The following STK10 variants were observed in gnomAD, a reference collection of about 807,000 sequenced individuals.
STK10 encodes serine/threonine-protein kinase 10.
A neutral mutation model predicts 113.8 loss-of-function variants in STK10; 78 were observed. That is an observed-to-expected ratio of 0.69 (90% CI 0.57 to 0.83). STK10 has a LOEUF of 0.83. STK10 is among the 40% of genes least tolerant of loss of function. The pLI is 0.00. For synonymous variants in STK10, 465 were observed against 494.7 expected (o/e 0.94, Z 0.80); for missense variants, 1,109 against 1,280.1 (o/e 0.87, Z 2.04).
At chr5:172,185,900 G>T (rs1770947775) in intron 1 of STK10, among the ~76,000 whole-genome samples, 1 of 152,220 alleles carries the variant, frequency 6.6e-6, no homozygotes, top group Non-Finnish European at 1.5e-5. Flanking sequence ...CAGTCCAAAA[G>T]CACTGCCTCT....
intron 2 of STK10, among the ~76,000 whole-genome samples, chr5:172,138,794 C>T (rs1465809662): frequency 4.6e-5 from 7 of 151,976 alleles, no homozygotes; most frequent in Admixed American, 2.6e-4. Flanking sequence ...GGGCGGATCA[C>T]GAGGTCAGGA....
intron 1 of STK10, among the ~76,000 whole-genome samples, chr5:172,172,108 T>C (rs1438320403): frequency 6.6e-6 from 1 of 152,200 alleles, no homozygotes; most frequent in Non-Finnish European, 1.5e-5. Flanking sequence ...GAGAATCTCT[T>C]GAACCCAGGT....
chr5:172,073,793 C>CAA (rs60492751), intron 12 of STK10, among the ~76,000 whole-genome samples: 35 of 58,438 alleles, frequency 6.0e-4, no homozygotes, highest in African/African-American at 1.5e-3. Flanking sequence ...CTAAAAATAG[C>CAA]AAAAAAAAAA....
chr5:172,053,143 T>C, intron 17 of STK10, 101 bp from the exon 18 acceptor site: 1 of 830,974 alleles, frequency 1.2e-6, no homozygotes, highest in Non-Finnish European at 2.0e-6. Flanking sequence ...CCAGCATCGT[T>C]CATTTATTAT....
chr5:172,170,927 G>C (rs1236919177), intron 1 of STK10, among the ~76,000 whole-genome samples: 6 of 152,236 alleles, frequency 3.9e-5, no homozygotes, highest in African/African-American at 1.4e-4. Flanking sequence ...GGACTCCGGG[G>C]TCCACAGAGG....
At chr5:172,113,219 T>TG (rs556702936) in intron 4 of STK10, among the ~76,000 whole-genome samples, 38 of 151,772 alleles carry the variant, frequency 2.5e-4, no homozygotes, top group Admixed American at 1.1e-3. Context: ...CACACTGCAC[T>TG]GGGGGGGGTG....
intron 13 of STK10, 148 bp downstream of exon 13, chr5:172,064,572 A>C (rs1768023795): frequency 1.4e-6 from 1 of 740,442 alleles, no homozygotes; most frequent in Non-Finnish European, 2.3e-6. Context: ...GGAGGGGATA[A>C]TGGGGCCATG....
chr5:172,106,799 C>T lies in STK10; in HGVS notation c.609G>A (p.Val203=), dbSNP rs1769123681. 6.2e-7 allele frequency: 1 copy of T among 1,613,948 alleles called. No homozygotes were observed. ...IGTPYWMAPE[V]VMCETMKDTP... is the part of the protein sequence containing the mutation. The stretch of plus-strand genomic sequence containing the variant: ...TGTCTTTCATGGTCTCACACATGAC[C>T]ACCTCGGGGGCCATCCTGAACCAAC... The change falls in exon 6 of 19, where the codon GTG becomes GTA. Residue 203 remains valine (V), a synonymous_variant. Coordinates refer to ENST00000176763, the MANE Select transcript of STK10 (RefSeq NM_005990.4).
Position 172,064,456 on chromosome 5 carries a change from A to T in STK10, c.2082+264T>A, listed in dbSNP as rs539253456. Reference sequence around the variant, plus strand: ...ATAAATAACCCTAAAACAAGGTAGGAGGTGCTAAGGGTTTGGGAGGTGGTC... The same window carrying T: ...ATAAATAACCCTAAAACAAGGTAGGTGGTGCTAAGGGTTTGGGAGGTGGTC... On this transcript the variant is annotated intron_variant, in intron 13 of 18. Transcript: ENST00000176763. 189 of 539,496 alleles carry T rather than the reference A, an allele frequency of 3.5e-4. 1 individual carries two copies. Among genetic ancestry groups the T allele is most frequent in the Admixed American group, 8.1e-4 (26 of 32,208 alleles). The allele number at this position is 539,496 out of a possible 1,614,324, so 33.4% of individuals were successfully genotyped here.
intron 1 of STK10, among the ~76,000 whole-genome samples, chr5:172,170,062 GT>G (rs1400395072): frequency 8.1e-5 from 12 of 147,796 alleles, no homozygotes; most frequent in African/African-American, 3.0e-4. Flanking sequence ...CTAAAAACAT[GT>G]TTATTTTGTT....
chr5:172,122,813 C>T (rs1035296163), intron 3 of STK10, among the ~76,000 whole-genome samples: 7 of 152,122 alleles, frequency 4.6e-5, no homozygotes, highest in South Asian at 2.1e-4. Context: ...TCAGTAGAGA[C>T]GAGGTTTCAC....
rs141076347 is a variant in STK10 at position 172,062,510 on chromosome 5, A to C, written c.2083-1242T>G. ...ATGAAAACAGCCCACGTGTCCGTCG[A>C]TAGATAAATGGATAAATCATGTGTT... On this transcript the variant is annotated intron_variant, in intron 13 of 18. Transcript: ENST00000176763. Among the ~76,000 whole-genome samples the C allele has an allele frequency of 2.8e-3, 424 of 149,072 alleles. 2 individuals carry two copies. Among genetic ancestry groups the C allele is most frequent in the African/African-American group, 0.01 (398 of 38,954 alleles).
intron 1 of STK10, among the ~76,000 whole-genome samples, chr5:172,163,053 A>T (rs1479665105): frequency 1.3e-5 from 2 of 152,144 alleles, no homozygotes; most frequent in Admixed American, 1.3e-4. Context: ...ACTTGGCCAA[A>T]ATTAAATTCT....
chr5:172,167,279 A>G (rs1770590238), intron 1 of STK10, among the ~76,000 whole-genome samples: 1 of 152,222 alleles, frequency 6.6e-6, no homozygotes, highest in Admixed American at 6.5e-5. Flanking sequence ...GGTTAAATTA[A>G]CTTAATGGGA....
At position 172,110,864 on chromosome 5, in the gene STK10, C is replaced by T. The variant is rs938265705; in HGVS notation, c.521-3012G>A. On this transcript the variant is annotated intron_variant, in intron 4 of 18. Coordinates refer to ENST00000176763, the MANE Select transcript of STK10 (RefSeq NM_005990.4). ...GAGAAGATGGTGATTCTTTCACCGG[C>T]CCATGAGCCAGTCCAGCCTTTTTCA... 3.9e-5 allele frequency among the ~76,000 whole-genome samples: 6 copies of T among 152,188 alleles called. No individual in the cohort carries two copies. In the East Asian group the frequency reaches 1.2e-3, roughly 29 times the overall value.
intron 5 of STK10, 182 bp from the exon 6 acceptor site, chr5:172,106,996 C>G (rs1769129015): frequency 1.8e-6 from 1 of 561,148 alleles, no homozygotes; most frequent in Admixed American, 3.6e-5. Context: ...AAAACGCCTC[C>G]ACGCGGCTCC....
chr5:172,144,430 C>A (rs527976905), intron 2 of STK10, among the ~76,000 whole-genome samples: 44 of 152,342 alleles, frequency 2.9e-4, no homozygotes, highest in African/African-American at 8.4e-4. Flanking sequence ...CAACCAAGGC[C>A]TCTGCCTGAG....
rs896243459 is a variant in STK10 at position 172,120,101 on chromosome 5, C to T, written c.371-2471G>A. Among the ~76,000 whole-genome samples the T allele has an allele frequency of 4.6e-5, 7 of 152,040 alleles. No individual in the cohort carries two copies. Among genetic ancestry groups the T allele is most frequent in the South Asian group, 2.1e-4 (1 of 4,818 alleles). On this transcript the variant is annotated intron_variant, in intron 3 of 18. Transcript: ENST00000176763. The surrounding 1 kb of genome is among the most constrained non-coding windows in gnomAD (Gnocchi z 4.0). ...TCCAAGGTGACAGCCTTGTGCTCTG[C>T]GTCCCACAGGACTGTCCTGATTGAG...
intron 4 of STK10, among the ~76,000 whole-genome samples, chr5:172,110,126 A>G (rs1561811492): frequency 6.6e-6 from 1 of 152,222 alleles, no homozygotes; most frequent in Admixed American, 6.5e-5. Context: ...CAGAGAATAC[A>G]ATGAGGACCC....
Sources: gnomAD v4.1 joint callset for allele counts (sites outside exome capture counted in the v4.1 genomes callset) on GRCh38, gnomAD v4.1.1 for gene constraint, Gnocchi (gnomAD v3.1) non-coding constraint, MANE v1.5 for transcripts, NCBI Gene and HGNC (gene_info 2026-07-23, HGNC 2026-07-21) for gene names.